CERS4: variants seen among roughly 807,000 people sequenced by gnomAD.
CERS4 encodes the protein LAG1 homolog, ceramide synthase 4.
CERS4 carries 65 observed loss-of-function variants against 51.8 expected under a neutral mutation model. That is an observed-to-expected ratio of 1.26 (90% confidence interval 1.03 to 1.54). The LOEUF is 1.54. CERS4 is among the 40% of genes most tolerant of loss of function. The pLI is 0.00. For missense variants in CERS4, 563 were observed against 500.4 expected, an observed-to-expected ratio of 1.13 and a Z score of -1.19; for synonymous variants, 228 against 208.4, an observed-to-expected ratio of 1.09 and a Z score of -0.81.
chr19:8,253,260 G>A (rs951866037), intron 3 of CERS4, among the ~76,000 whole-genome samples: 3 of 152,200 alleles, frequency 2.0e-5, no homozygotes, highest in Non-Finnish European at 4.4e-5. Flanking sequence ...GAGGGGCTTG[G>A]AGCGGGAACA....
Position 8,256,606 on chromosome 19 carries a change from G to A in CERS4, c.520-12G>A. 4 of 1,608,214 alleles carry A rather than the reference G, an allele frequency of 2.5e-6. No individual in the cohort carries two copies. Among genetic ancestry groups the A allele is most frequent in the Non-Finnish European group, 3.4e-6 (4 of 1,177,586 alleles). ...CGCTCCCCACAGCTAACCTTGTCCTGTCCTGCTGCAGACTCTGAAGCCATC... is the reference window on the plus strand; with the variant it reads ...CGCTCCCCACAGCTAACCTTGTCCTATCCTGCTGCAGACTCTGAAGCCATC... On this transcript the variant is annotated splice_polypyrimidine_tract_variant and intron_variant, in intron 7 of 11. Transcript: ENST00000251363.
chr19:8,215,757 G>A (rs561063682), intron 2 of CERS4, among the ~76,000 whole-genome samples: 7 of 152,288 alleles, frequency 4.6e-5, no homozygotes, highest in African/African-American at 1.4e-4. Context: ...CTGGGAGGGG[G>A]CATCCCTTGT....
intron 3 of CERS4, among the ~76,000 whole-genome samples, chr19:8,252,415 T>C (rs1467042552): frequency 1.4e-5 from 2 of 145,252 alleles, no homozygotes; most frequent in African/African-American, 2.5e-5. Flanking sequence ...TAGCTGGGAC[T>C]GTAGGCATGC....
chr19:8,242,186 C>G (rs966211107), intron 2 of CERS4, among the ~76,000 whole-genome samples: 1 of 152,186 alleles, frequency 6.6e-6, no homozygotes, highest in African/African-American at 2.4e-5. Context: ...AGGACTCCAG[C>G]CAGTCTGCTG....
In CERS4 at chr19:8,255,588, C is replaced by T; in HGVS notation, c.292-19C>T. On this transcript the variant is annotated intron_variant, in intron 4 of 11. Transcript: ENST00000251363. The stretch of plus-strand genomic sequence containing the variant: ...CCACAGGGCCTCTGTGACCCTTGTC[C>T]TCATCACCCCCTCCCCAGCCCCAGC... The T allele has an allele frequency of 6.2e-7, 1 of 1,601,074 alleles. No homozygotes were observed. Among genetic ancestry groups the T allele is most frequent in the Non-Finnish European group, 8.5e-7 (1 of 1,173,822 alleles).
intron 2 of CERS4, among the ~76,000 whole-genome samples, chr19:8,228,851 T>C (rs1170983325): frequency 6.7e-6 from 1 of 149,564 alleles, no homozygotes; most frequent in Non-Finnish European, 1.5e-5. Context: ...TGGTGAAACC[T>C]TGTCTCTCCT....
At chr19:8,254,341 A>AAAAAAAAAAAAAAAC (rs1480097605) in intron 3 of CERS4, among the ~76,000 whole-genome samples, 158 bp from the exon 4 acceptor site, 2 of 149,364 alleles carry the variant, frequency 1.3e-5, no homozygotes, top group Non-Finnish European at 3.0e-5. Flanking sequence ...AAAAAAAAAA[A>AAAAAAAAAAAAAAAC]AGTCTTACAC....
chr19:8,251,627 C>T (rs949340450), intron 3 of CERS4, among the ~76,000 whole-genome samples: 10 of 152,042 alleles, frequency 6.6e-5, no homozygotes, highest in African/African-American at 2.4e-4. Flanking sequence ...GCCTGGCCAA[C>T]ATGGTGAAAC....
Position 8,221,537 on chromosome 19 carries a change from C to CT in CERS4, c.-2+10685dup, listed in dbSNP as rs936654137. On this transcript the variant is annotated intron_variant, in intron 2 of 11. Transcript: ENST00000251363. ...TAAACAAACAATGTGAGCCTTTTAA[C>CT]TTTTTTTTTTCTTATTTTTTTTTTT... 2.1e-4 allele frequency among the ~76,000 whole-genome samples: 31 copies of CT among 148,798 alleles called. 1 individual carries two copies. In the South Asian group the frequency reaches 4.1e-3, roughly 20 times the overall value.
In CERS4 at chr19:8,257,959, C is replaced by T. The variant is rs1234826643; in HGVS notation, c.822C>T (p.Tyr274=). The T allele has an allele frequency of 3.7e-6, 6 of 1,613,996 alleles. No homozygotes were observed. In the Middle Eastern group the frequency reaches 4.9e-4, roughly 133 times the overall value. ...TCATCTTCTCCTTTGTCTTCTTCTA[C>T]ACCCGACTGGTCCTCTTTCCCACCC... ...LFLIFSFVFF[Y]TRLVLFPTQI... The change falls in exon 10 of 12, where the codon TAC becomes TAT. Residue 274 remains tyrosine (Y), a synonymous_variant. Coordinates refer to ENST00000251363, the MANE Select transcript of CERS4 (RefSeq NM_024552.3).
intron 2 of CERS4, among the ~76,000 whole-genome samples, chr19:8,220,133 C>T (rs1161040018): frequency 6.6e-6 from 1 of 152,022 alleles, no homozygotes; most frequent in Non-Finnish European, 1.5e-5. Flanking sequence ...TCTCCTCGCC[C>T]CCTCCCACCC....
At position 8,256,750 on chromosome 19, in the gene CERS4, CGGGATGCT is replaced by C. The variant is rs745374254; in HGVS notation, c.612+44_612+51del. 7 of 1,597,778 alleles carry C rather than the reference CGGGATGCT, an allele frequency of 4.4e-6. No homozygotes were observed. The East Asian group carries it at 1.1e-4, about 25-fold the overall frequency. On this transcript the variant is annotated intron_variant, in intron 8 of 11. Transcript: ENST00000251363. The stretch of plus-strand genomic sequence containing the variant: ...GAGTCTGGAAGACCCAGTCTCTGGC[CGGGATGCT>C]GGGGTGCTGGGGGGTAGGGCAGCCT...
At chr19:8,213,824 T>TG (rs1267671407) in intron 2 of CERS4, among the ~76,000 whole-genome samples, 4 of 152,142 alleles carry the variant, frequency 2.6e-5, no homozygotes, top group Non-Finnish European at 5.9e-5. Flanking sequence ...AAATTAACCC[T>TG]GTGTGGTGGC....
chr19:8,221,107 G>T (rs1200512254), intron 2 of CERS4, among the ~76,000 whole-genome samples: 3 of 151,542 alleles, frequency 2.0e-5, no homozygotes, highest in Non-Finnish European at 2.9e-5. Context: ...TTACAGGCGT[G>T]AGCCACTGTG....
intron 6 of CERS4, 105 bp downstream of exon 6, chr19:8,255,984 C>A: frequency 7.8e-7 from 1 of 1,286,670 alleles, no homozygotes; most frequent in South Asian, 1.2e-5. Flanking sequence ...GGAAAACATG[C>A]AGCTGAGGAG....
At chr19:8,229,150 C>T (rs1967906050) in intron 2 of CERS4, among the ~76,000 whole-genome samples, 1 of 152,026 alleles carries the variant, frequency 6.6e-6, no homozygotes, top group South Asian at 2.1e-4. Context: ...CATGGTGAAA[C>T]CCCATCTCTA....
intron 10 of CERS4, 132 bp from the exon 11 acceptor site, chr19:8,261,553 TATC>T (rs2145348653): frequency 1.0e-6 from 1 of 966,596 alleles, no homozygotes; most frequent in East Asian, 2.4e-5. Context: ...GAGTGTTAGG[TATC>T]ATGGGGTGGG....
intron 2 of CERS4, among the ~76,000 whole-genome samples, chr19:8,218,369 G>A (rs772785157): frequency 7.2e-5 from 11 of 152,198 alleles, no homozygotes; most frequent in Middle Eastern, 3.2e-3. Context: ...ATCAGATAAC[G>A]GAATGCTGAA....
At chr19:8,235,007 C>CTTTTTTTTTTTTTTTTTTT (rs566104740) in intron 2 of CERS4, among the ~76,000 whole-genome samples, 8 of 127,888 alleles carry the variant, frequency 6.3e-5, no homozygotes, top group Non-Finnish European at 9.6e-5. Flanking sequence ...TTCTTTCTTT[C>CTTTTTTTTTTTTTTTTTTT]TTTCTTTTTT....
Sources: allele counts gnomAD v4.1 joint callset (sites outside exome capture counted in the v4.1 genomes callset), GRCh38; gene constraint gnomAD v4.1.1; transcripts MANE v1.5; gene names NCBI Gene and HGNC (gene_info 2026-07-23, HGNC 2026-07-21).